Variants in MYO1F observed in about 807,000 individuals in gnomAD.
The protein encoded by MYO1F is unconventional myosin-If.
In MYO1F, 60 loss-of-function variants were observed where a neutral mutation model predicts 146.6. The observed-to-expected ratio is 0.41, with a 90% CI of 0.33 to 0.51. The LOEUF (loss-of-function observed/expected upper bound fraction) is 0.51, where lower values mean the gene tolerates loss of function less well. Among genes scored for constraint, MYO1F ranks in the 20% least tolerant of loss-of-function variants. The pLI, the probability that MYO1F is intolerant of heterozygous loss-of-function variation, is 0.25. For synonymous variants in MYO1F, 602 were observed against 602.1 expected (o/e 1.00, Z 0.00); for missense variants, 1,274 against 1,534.3 (o/e 0.83, Z 2.83).
intron 21 of MYO1F, among the ~76,000 whole-genome samples, chr19:8,528,603 T>C (rs894342629): frequency 1.3e-5 from 2 of 151,902 alleles, no homozygotes; most frequent in South Asian, 4.1e-4. Flanking sequence ...CGAGGTCAGA[T>C]GGGAATGTGT....
At chr19:8,535,775 G>T (rs991275976) in intron 19 of MYO1F, among the ~76,000 whole-genome samples, 102 of 151,740 alleles carry the variant, frequency 6.7e-4, no homozygotes, top group African/African-American at 2.4e-3. Flanking sequence ...TGCCTCCTGG[G>T]TTCAAGCCAT....
chr19:8,540,946 T>C (rs994828178), intron 15 of MYO1F, among the ~76,000 whole-genome samples: 6 of 152,070 alleles, frequency 3.9e-5, no homozygotes, highest in Non-Finnish European at 7.4e-5. Context: ...CAGAATCAGA[T>C]GCAGATTCTG....
intron 21 of MYO1F, 148 bp from the exon 22 acceptor site, chr19:8,527,631 T>A: frequency 1.0e-6 from 1 of 981,620 alleles, no homozygotes; most frequent in Non-Finnish European, 1.5e-6. Flanking sequence ...GTCTGTTTTG[T>A]AGACAGGGTC....
chr19:8,536,877 T>G (rs1599936356), intron 17 of MYO1F, 72 bp downstream of exon 17: 1 of 987,466 alleles, frequency 1.0e-6, no homozygotes, highest in East Asian at 3.1e-5. Flanking sequence ...GTCAGGGAGG[T>G]GTCTCGGTCA....
At chr19:8,572,179 C>T (rs1008690782) in intron 1 of MYO1F, among the ~76,000 whole-genome samples, 2 of 152,312 alleles carry the variant, frequency 1.3e-5, no homozygotes, top group East Asian at 3.9e-4. Context: ...GGAAGATCCT[C>T]TGGGATGTGG....
intron 1 of MYO1F, among the ~76,000 whole-genome samples, chr19:8,574,687 CTT>C (rs1216774419): frequency 2.7e-5 from 3 of 110,522 alleles, no homozygotes; most frequent in Non-Finnish European, 5.8e-5. Context: ...TTCTTTCTTC[CTT>C]TCTCTTTCTC....
chr19:8,546,484 C>T (rs552959476), intron 12 of MYO1F, among the ~76,000 whole-genome samples: 19 of 151,952 alleles, frequency 1.3e-4, no homozygotes, highest in East Asian at 3.9e-4. Flanking sequence ...CTCAGCCTTC[C>T]GAGTAGCTGG....
intron 4 of MYO1F, 27 bp from the exon 5 acceptor site, chr19:8,553,464 T>A (rs1599998546): frequency 1.9e-6 from 3 of 1,601,728 alleles, no homozygotes; most frequent in East Asian, 4.5e-5. Context: ...GAATAAATGA[T>A]CAGTGGTTGG....
intron 19 of MYO1F, among the ~76,000 whole-genome samples, chr19:8,535,367 G>A (rs189341006): frequency 6.6e-6 from 1 of 152,190 alleles, no homozygotes; most frequent in East Asian, 1.9e-4. Context: ...AAAATCTATA[G>A]ACTGAAATTT....
In MYO1F at chr19:8,544,036, C is replaced by CAGTGGT; in HGVS notation, c.1524+260_1524+261insACCACT. ...GCGGTGGCGGTGGCGGTGGCGGTGG[C>CAGTGGT]GGTGCTGGTGGTGGTGGTGGTGGTG... On this transcript the variant is annotated intron_variant, in intron 14 of 27. Transcript: ENST00000644032. The CAGTGGT allele has an allele frequency of 1.1e-5, 3 of 270,190 alleles. No individual in the cohort carries two copies. In the South Asian group the frequency reaches 1.2e-4, roughly 11 times the overall value. The allele number at this position is 270,190 out of a possible 1,614,324, so 16.7% of individuals were successfully genotyped here. A position where few individuals can be genotyped will look rare whatever the true frequency, so the allele number is the denominator to read the frequency against.
chr19:8,555,230 C>T (rs1011183541), intron 2 of MYO1F, among the ~76,000 whole-genome samples: 1 of 151,606 alleles, frequency 6.6e-6, no homozygotes, highest in Non-Finnish European at 1.5e-5. Flanking sequence ...ATTAGCCAGG[C>T]ATGGTGGCGC....
chr19:8,539,872 CAG>C, intron 16 of MYO1F, 73 bp downstream of exon 16: 1 of 1,317,400 alleles, frequency 7.6e-7, no homozygotes, highest in Non-Finnish European at 1.1e-6. Flanking sequence ...ATGAGAGAAA[CAG>C]AGTCCGGACC....
chr19:8,522,592 C>T (rs1178344793), intron 26 of MYO1F, 42 bp downstream of exon 26: 3 of 1,607,254 alleles, frequency 1.9e-6, no homozygotes, highest in South Asian at 1.1e-5. Flanking sequence ...CACTCCCCTA[C>T]CCCCTGCCCA....
At chr19:8,554,797 C>T (rs1365703567) in intron 2 of MYO1F, 54 bp from the exon 3 acceptor site, 2 of 1,513,902 alleles carry the variant, frequency 1.3e-6, no homozygotes, top group East Asian at 2.3e-5. Context: ...TCCTCCCTGT[C>T]CCCTCATCCT....
At position 8,577,341 on chromosome 19, in the gene MYO1F, C is replaced by T. The variant is rs1555734060; in HGVS notation, c.-32G>A. 2.5e-6 allele frequency: 4 copies of T among 1,613,888 alleles called. No individual in the cohort carries two copies. The highest frequency in any genetic ancestry group is 1.3e-5 in the African/African-American group (1 of 75,054). Reference sequence around the variant, plus strand: ...GGGCTGGTGTCTGGGCTCCTGGAGGCTCCTGAATGGGTCGTGATGGAGGTG... The same window carrying T: ...GGGCTGGTGTCTGGGCTCCTGGAGGTTCCTGAATGGGTCGTGATGGAGGTG... On this transcript the variant is annotated 5_prime_UTR_variant, in exon 1 of 28. Transcript: ENST00000644032. This position sits in a 1 kb window ranked among gnomAD's most constrained non-coding sequence, Gnocchi z 4.3.
At chr19:8,566,323 A>G (rs1277462345) in intron 1 of MYO1F, among the ~76,000 whole-genome samples, 1 of 150,722 alleles carries the variant, frequency 6.6e-6, no homozygotes, top group Non-Finnish European at 1.5e-5. Context: ...TCCCACGGCC[A>G]TGCCCAGCTA....
chr19:8,536,167 GTCTC>G (rs57614495), intron 19 of MYO1F, 81 bp downstream of exon 19: 882 of 1,361,120 alleles, frequency 6.5e-4, no homozygotes, highest in Non-Finnish European at 8.5e-4. Flanking sequence ...GTCTCCCTCT[GTCTC>G]TCTCTCTCTC....
chr19:8,550,708 G>A lies in MYO1F; in HGVS notation c.772-14C>T. 6.2e-7 allele frequency: 1 copy of A among 1,613,874 alleles called. No individual in the cohort carries two copies. Among genetic ancestry groups the A allele is most frequent in the Non-Finnish European group, 8.5e-7 (1 of 1,179,964 alleles). On this transcript the variant is annotated splice_polypyrimidine_tract_variant and intron_variant, in intron 8 of 27. Transcript: ENST00000644032. ...CTGCATAGCACTCTGTGGTACAACG[G>A]GGGCAGAAACTGTGCCGTGAATCCT...
rs140689024 is a variant in MYO1F, at chr19:8,542,518, G to C, written c.1525-527C>G. 8.1e-3 allele frequency among the ~76,000 whole-genome samples: 1,231 copies of C among 152,144 alleles called. 5 individuals are homozygous for C. The highest frequency in any genetic ancestry group is 0.014 in the Middle Eastern group (4 of 294). ...GGGCTGGAGCTGCTACCAAAGGTTAGGGCCCTCTGTAGTTCTGAGCAGGGC... is the reference window on the plus strand; with the variant it reads ...GGGCTGGAGCTGCTACCAAAGGTTACGGCCCTCTGTAGTTCTGAGCAGGGC... On this transcript the variant is annotated intron_variant, in intron 14 of 27. Coordinates refer to ENST00000644032, the MANE Select transcript of MYO1F (RefSeq NM_012335.4).
Sources: allele counts gnomAD v4.1 joint callset (sites outside exome capture counted in the v4.1 genomes callset), GRCh38; gene constraint gnomAD v4.1.1; non-coding constraint Gnocchi (gnomAD v3.1); transcripts MANE v1.5; gene names NCBI Gene and HGNC (gene_info 2026-07-23, HGNC 2026-07-21).